Variants in SERHL2 observed in about 807,000 individuals in gnomAD.
The protein encoded by SERHL2 is serine hydrolase-like protein 2.
Under a neutral mutation model 25.5 loss-of-function variants are expected in SERHL2, and 29 were observed. The ratio of observed to expected loss-of-function variants is 1.14; its 90% CI spans 0.85 to 1.55. The LOEUF (loss-of-function observed/expected upper bound fraction) is 1.55. Among genes scored for constraint, SERHL2 ranks in the 40% most tolerant of loss-of-function variants. SERHL2 has a pLI of 0.00. For missense variants in SERHL2, 240 were observed against 252.3 expected (o/e 0.95, Z 0.33); for synonymous variants, 95 against 103.5 (o/e 0.92, Z 0.50).
chr22:42,567,431 G>A (rs777239608), intron 9 of SERHL2, among the ~76,000 whole-genome samples: 7 of 151,776 alleles, frequency 4.6e-5, no homozygotes, highest in Non-Finnish European at 5.9e-5. Context: ...TTGGGAGGCC[G>A]AGGCGGGTGG....
chr22:42,568,340 A>G (rs1923691524), intron 9 of SERHL2, among the ~76,000 whole-genome samples: 1 of 122,220 alleles, frequency 8.2e-6, no homozygotes, highest in Non-Finnish European at 1.8e-5. Flanking sequence ...TTGTTTTTCT[A>G]GATGAACAAT....
intron 1 of SERHL2, 96 bp downstream of exon 1, chr22:42,554,138 C>CGTCGCCCTCCTGGGT (rs1921938555): frequency 7.0e-7 from 1 of 1,433,378 alleles, no homozygotes; most frequent in African/African-American, 1.4e-5. Context: ...TCGCCGACCG[C>CGTCGCCCTCCTGGGT]GTCGCCCTCC....
chr22:42,559,536 CTAAA>C (rs1472863942), intron 7 of SERHL2, among the ~76,000 whole-genome samples: 4 of 151,554 alleles, frequency 2.6e-5, no homozygotes, highest in Admixed American at 2.0e-4. Flanking sequence ...CCTGTGTCTA[CTAAA>C]AAATACAAAA....
intron 8 of SERHL2, among the ~76,000 whole-genome samples, chr22:42,561,793 T>A (rs1036463729): frequency 6.6e-6 from 1 of 151,798 alleles, no homozygotes; most frequent in Non-Finnish European, 1.5e-5. Flanking sequence ...GTCTTCGTGA[T>A]CATCTTGGCT....
rs34241204 is a variant in SERHL2 at position 42,571,570 on chromosome 22, C to T, written c.731+367C>T. The T allele has an allele frequency of 6.8e-3, 4,375 of 645,354 alleles. 28 individuals are homozygous for T. The highest frequency in any genetic ancestry group is 0.029 in the Middle Eastern group (40 of 1,392). 40.0% of individuals were successfully genotyped at this position (645,354 alleles called of 1,614,324 possible). A position where few individuals can be genotyped will look rare whatever the true frequency, so the allele number is the denominator to read the frequency against. On this transcript the variant is annotated intron_variant, in intron 10 of 11. Transcript: ENST00000327678. ...CCTCCCGAGTAGCTGGGACTACAGGCGCCCGCCACCAGGCCTGGCTTATTT... is the reference window on the plus strand; with the variant it reads ...CCTCCCGAGTAGCTGGGACTACAGGTGCCCGCCACCAGGCCTGGCTTATTT...
At chr22:42,566,387 T>A (rs1387199508) in intron 9 of SERHL2, 49 bp downstream of exon 9, 2 of 1,597,270 alleles carry the variant, frequency 1.3e-6, no homozygotes, top group Non-Finnish European at 1.7e-6. Flanking sequence ...CCTGTTAGCG[T>A]CTTTGTCGTT....
chr22:42,562,620 G>A (rs1056515360), intron 8 of SERHL2, among the ~76,000 whole-genome samples: 7 of 151,858 alleles, frequency 4.6e-5, no homozygotes, highest in African/African-American at 1.7e-4. Flanking sequence ...GGAAGGTCTG[G>A]GTGGGCCTCA....
At chr22:42,559,469 A>G (rs925299121) in intron 7 of SERHL2, among the ~76,000 whole-genome samples, 3 of 151,594 alleles carry the variant, frequency 2.0e-5, no homozygotes, top group Non-Finnish European at 4.4e-5. Context: ...TGGAAGGCGG[A>G]GGTGGGCAGA....
At chr22:42,566,250 C>G in intron 8 of SERHL2, 54 bp from the exon 9 acceptor site, 1 of 1,582,336 alleles carries the variant, frequency 6.3e-7, no homozygotes, top group Non-Finnish European at 8.7e-7. Context: ...ACGGAGCGTC[C>G]CCTGACCCTG....
chr22:42,565,292 T>TGACAGATGTCGCAGCCA (rs1860219150), intron 8 of SERHL2: 1 of 150,442 alleles, frequency 6.6e-6, no homozygotes, highest in African/African-American at 2.4e-5. Context: ...TGGCGATCAA[T>TGACAGATGTCGCAGCCA]GGGGTGACAG....
At chr22:42,568,700 C>T (rs1445683117) in intron 9 of SERHL2, among the ~76,000 whole-genome samples, 1 of 152,008 alleles carries the variant, frequency 6.6e-6, no homozygotes, top group Non-Finnish European at 1.5e-5. Flanking sequence ...TGCAGTTGCT[C>T]ATGCCTGTAA....
At chr22:42,561,399 C>T (rs1172864493) in intron 8 of SERHL2, among the ~76,000 whole-genome samples, 1 of 150,880 alleles carries the variant, frequency 6.6e-6, no homozygotes, top group African/African-American at 2.4e-5. Context: ...GTTTTTTGCG[C>T]TCATTGGACC....
chr22:42,566,199 T>C (rs1923353938), intron 8 of SERHL2, 105 bp from the exon 9 acceptor site: 9 of 1,137,706 alleles, frequency 7.9e-6, no homozygotes, highest in South Asian at 1.3e-5. Flanking sequence ...GTGGGAGAAA[T>C]GGGCCCTGGC....
intron 9 of SERHL2, among the ~76,000 whole-genome samples, chr22:42,567,263 C>CT (rs1385908529): frequency 5.3e-5 from 8 of 152,152 alleles, no homozygotes; most frequent in African/African-American, 1.9e-4. Flanking sequence ...AGCCAATGGT[C>CT]TGGGAATGTT....
intron 8 of SERHL2, 44 bp downstream of exon 8, chr22:42,560,309 T>C (rs1205623753): frequency 2.1e-6 from 3 of 1,441,010 alleles, no homozygotes; most frequent in African/African-American, 1.4e-5. Context: ...TTTGTCACTA[T>C]TCTTACCGAG....
At chr22:42,571,092 G>T in intron 9 of SERHL2, 29 bp from the exon 10 acceptor site, 1 of 1,613,022 alleles carries the variant, frequency 6.2e-7, no homozygotes, top group Admixed American at 1.7e-5. Context: ...GCCTTGTGAC[G>T]AGAATTCACC....
rs754719305 is a variant in SERHL2, at chr22:42,572,545, G to C, written c.825+16G>C. ...CCTCAAAGAGGTAAGACGGGGCTCAGGCAGCTGGTGTCCAGCCACTGTCGC... is the reference window on the plus strand; with the variant it reads ...CCTCAAAGAGGTAAGACGGGGCTCACGCAGCTGGTGTCCAGCCACTGTCGC... On this transcript the variant is annotated intron_variant, in intron 11 of 11. Coordinates refer to ENST00000327678, the MANE Select transcript of SERHL2 (RefSeq NM_014509.5). The C allele has an allele frequency of 6.2e-7, 1 of 1,610,494 alleles. No homozygotes were observed. The highest frequency in any genetic ancestry group is 1.7e-5 in the Admixed American group (1 of 59,888).
intron 11 of SERHL2, 96 bp downstream of exon 11, chr22:42,572,625 C>A (rs1924390715): frequency 1.3e-6 from 2 of 1,514,890 alleles, no homozygotes; most frequent in Non-Finnish European, 8.9e-7. Context: ...GACCCTGGGT[C>A]TGCCCCCAGG....
In SERHL2 at chr22:42,563,370, T is replaced by A. The variant is rs188191996; in HGVS notation, c.614-2934T>A. ...AAGTGTGCAGACCACACCTGGCTAATTTTTGTATTTTTTTGTAGAGATGGA... is the reference window on the plus strand; with the variant it reads ...AAGTGTGCAGACCACACCTGGCTAAATTTTGTATTTTTTTGTAGAGATGGA... On this transcript the variant is annotated intron_variant, in intron 8 of 11. Transcript: ENST00000327678. 475 of 413,012 alleles carry A rather than the reference T, an allele frequency of 1.2e-3. 6 individuals are homozygous for A. The highest frequency in any genetic ancestry group is 8.7e-3 in the African/African-American group (425 of 48,616). The allele number at this position is 413,012 out of a possible 1,614,324, so 25.6% of individuals were successfully genotyped here.
Sources: allele counts gnomAD v4.1 joint callset (sites outside exome capture counted in the v4.1 genomes callset), GRCh38; gene constraint gnomAD v4.1.1; transcripts MANE v1.5; gene names NCBI Gene and HGNC (gene_info 2026-07-23, HGNC 2026-07-21).